The following GLIS3 variants were observed in gnomAD, a reference collection of about 807,000 sequenced individuals.
The protein encoded by GLIS3 is GLIS family zinc finger 3, also known as zinc finger protein GLIS3.
Under a neutral mutation model 78.6 loss-of-function variants are expected in GLIS3, and 53 were observed. That is an observed-to-expected ratio of 0.67 (90% CI 0.54 to 0.85). The LOEUF (loss-of-function observed/expected upper bound fraction) is 0.85. Ranked by LOEUF, GLIS3 falls within the 40% of genes least tolerant of loss-of-function variation. GLIS3 has a pLI of 0.00. For missense variants in GLIS3, 1,703 were observed against 1,231.1 expected, an observed-to-expected ratio of 1.38 and a Z score of -5.74; for synonymous variants, 684 against 509.9, an observed-to-expected ratio of 1.34 and a Z score of -4.60.
At chr9:4,453,176 G>C in the GLIS3 span, among the ~76,000 whole-genome samples, 1,038 of 152,116 alleles carry the variant, frequency 6.8e-3, 15 homozygotes, top group South Asian at 0.042. Flanking sequence ...ATGGATTAAA[G>C]ACTTAAATGT....
At chr9:4,297,744 G>T (rs1484697419) in intron 1 of GLIS3, among the ~76,000 whole-genome samples, 2 of 152,166 alleles carry the variant, frequency 1.3e-5, no homozygotes, top group African/African-American at 4.8e-5. Flanking sequence ...AACTAGCGTG[G>T]GGCTCAAGGA....
the GLIS3 span, among the ~76,000 whole-genome samples, chr9:4,391,797 G>T: frequency 1.3e-5 from 2 of 152,034 alleles, no homozygotes; most frequent in African/African-American, 4.8e-5. Context: ...ACATATTTTT[G>T]GGGAGGAATG....
At chr9:4,322,124 C>T (rs182860914) in intron 2 of GLIS3, among the ~76,000 whole-genome samples, 95 of 152,186 alleles carry the variant, frequency 6.2e-4, no homozygotes, top group Middle Eastern at 3.4e-3. Flanking sequence ...TGAGAACATG[C>T]GGTGTTTGGT....
chr9:4,194,338 G>A (rs927956559), intron 2 of GLIS3, among the ~76,000 whole-genome samples: 1 of 152,168 alleles, frequency 6.6e-6, no homozygotes, highest in Non-Finnish European at 1.5e-5. Context: ...AGGATTACAG[G>A]CGTGAGCCAC....
At chr9:3,898,902 G>T in intron 6 of GLIS3, 67 bp from the exon 7 acceptor site, 4 of 1,606,384 alleles carry the variant, frequency 2.5e-6, no homozygotes, top group Non-Finnish European at 3.4e-6. Flanking sequence ...TCCTGGGAAG[G>T]CATCATGCTC....
At chr9:4,267,754 T>C (rs1826144384) in intron 2 of GLIS3, among the ~76,000 whole-genome samples, 1 of 152,198 alleles carries the variant, frequency 6.6e-6, no homozygotes. Flanking sequence ...TTCCTCATTT[T>C]ACAAAGAGTA....
At chr9:4,467,242 A>G in the GLIS3 span, among the ~76,000 whole-genome samples, 1 of 152,216 alleles carries the variant, frequency 6.6e-6, no homozygotes, top group Non-Finnish European at 1.5e-5. Flanking sequence ...AAAAACTTCT[A>G]CAGACTTAAA....
At chr9:4,316,364 C>G (rs191630271) in intron 2 of GLIS3, among the ~76,000 whole-genome samples, 1 of 152,332 alleles carries the variant, frequency 6.6e-6, no homozygotes, top group East Asian at 1.9e-4. Flanking sequence ...CTTAACTGGA[C>G]TGACTTTATT....
chr9:4,223,952 G>C (rs62541788), intron 2 of GLIS3, among the ~76,000 whole-genome samples: 1,778 of 151,060 alleles, frequency 0.012, 14 homozygotes, highest in Non-Finnish European at 0.018. Flanking sequence ...ACAATACGGG[G>C]AAAATGCCAT....
At chr9:4,379,719 A>G in the GLIS3 span, among the ~76,000 whole-genome samples, 1 of 152,240 alleles carries the variant, frequency 6.6e-6, no homozygotes, top group East Asian at 1.9e-4. Context: ...CTCAGGGAAT[A>G]AAACATATTC....
intron 2 of GLIS3, among the ~76,000 whole-genome samples, chr9:4,205,150 C>T (rs1158224908): frequency 6.9e-6 from 1 of 145,494 alleles, no homozygotes; most frequent in Non-Finnish European, 1.5e-5. Context: ...CACTCCAGTC[C>T]CTGGGTGACA....
chr9:4,373,036 A>T, the GLIS3 span, among the ~76,000 whole-genome samples: 1 of 152,160 alleles, frequency 6.6e-6, no homozygotes, highest in African/African-American at 2.4e-5. Context: ...AGAAAAACAC[A>T]AGTTGGAATA....
the GLIS3 span, among the ~76,000 whole-genome samples, chr9:4,462,047 A>G: frequency 2.0e-5 from 3 of 152,224 alleles, no homozygotes. Flanking sequence ...AGAAGAGTAC[A>G]CGAAGTGAGT....
chr9:4,047,190 C>G (rs1019898960), intron 4 of GLIS3, among the ~76,000 whole-genome samples: 1 of 152,008 alleles, frequency 6.6e-6, no homozygotes, highest in African/African-American at 2.4e-5. Flanking sequence ...TCACAAGGGG[C>G]TCTTCCCCCT....
intron 2 of GLIS3, among the ~76,000 whole-genome samples, chr9:4,164,162 C>G (rs146135111): frequency 1.3e-5 from 2 of 152,318 alleles, no homozygotes; most frequent in East Asian, 1.9e-4. Flanking sequence ...CATTTAGTGT[C>G]CTTAAAAGCC....
chr9:3,962,022 T>C (rs1817590252), intron 4 of GLIS3, among the ~76,000 whole-genome samples: 3 of 151,902 alleles, frequency 2.0e-5, no homozygotes, highest in Admixed American at 2.0e-4. Flanking sequence ...CTGGGCAAAA[T>C]AGTGAGATCC....
intron 7 of GLIS3, among the ~76,000 whole-genome samples, chr9:3,895,980 C>G (rs916005070): frequency 2.0e-5 from 3 of 152,160 alleles, no homozygotes; most frequent in Non-Finnish European, 4.4e-5. Flanking sequence ...CAAATATTTT[C>G]TTGATTTTGT....
At chr9:4,233,954 T>A (rs968946047) in intron 2 of GLIS3, among the ~76,000 whole-genome samples, 4 of 152,212 alleles carry the variant, frequency 2.6e-5, no homozygotes, top group Non-Finnish European at 5.9e-5. Context: ...TCCTTAAACT[T>A]CATAAACCAA....
chr9:3,933,441 AC>A (rs1325508529), intron 5 of GLIS3, among the ~76,000 whole-genome samples: 1 of 152,206 alleles, frequency 6.6e-6, no homozygotes, highest in African/African-American at 2.4e-5. Context: ...TTCTGTTATG[AC>A]CCTTAAACTT....
Sources: gnomAD v4.1 joint callset for allele counts (sites outside exome capture counted in the v4.1 genomes callset) on GRCh38, gnomAD v4.1.1 for gene constraint, MANE v1.5 for transcripts, NCBI Gene and HGNC (gene_info 2026-07-23, HGNC 2026-07-21) for gene names.